Variants in FAM163A observed in about 807,000 individuals in gnomAD.
The protein encoded by FAM163A is protein FAM163A.
A neutral mutation model predicts 12.0 loss-of-function variants in FAM163A; 7 were observed. The ratio of observed to expected loss-of-function variants is 0.58; its 90% CI spans 0.33 to 1.10. The LOEUF is 1.10. Ranked by LOEUF, FAM163A falls within the 50% of genes least tolerant of loss-of-function variation. The probability of loss-of-function intolerance (pLI) is 0.03; values close to 1 mark genes in which losing one functional copy is unlikely to be tolerated. For missense variants in FAM163A, 202 were observed against 218.6 expected (o/e 0.92, Z 0.48); for synonymous variants, 101 against 91.0 (o/e 1.11, Z -0.62).
intron 1 of FAM163A, among the ~76,000 whole-genome samples, chr1:179,786,910 C>T (rs1353513278): frequency 1.3e-5 from 2 of 152,168 alleles, no homozygotes; most frequent in Non-Finnish European, 2.9e-5. Context: ...AATGAGCTGG[C>T]TGACAAAGCA....
At chr1:179,805,333 C>T (rs1693780602) in intron 1 of FAM163A, among the ~76,000 whole-genome samples, 1 of 152,112 alleles carries the variant, frequency 6.6e-6, no homozygotes, top group Non-Finnish European at 1.5e-5. Flanking sequence ...GCCTGGACAA[C>T]ATGGTGAAAC....
intron 1 of FAM163A, among the ~76,000 whole-genome samples, chr1:179,801,128 A>T (rs1391313820): frequency 6.6e-6 from 1 of 152,136 alleles, no homozygotes; most frequent in African/African-American, 2.4e-5. Context: ...GCACATCTGG[A>T]TGTATATTGG....
chr1:179,795,573 T>G (rs957267864), intron 1 of FAM163A, among the ~76,000 whole-genome samples: 1 of 152,232 alleles, frequency 6.6e-6, no homozygotes, highest in Admixed American at 6.5e-5. Context: ...GCCATGCTCT[T>G]GGACTCCCCC....
At chr1:179,734,698 C>T in the FAM163A span, among the ~76,000 whole-genome samples, 2 of 152,174 alleles carry the variant, frequency 1.3e-5, no homozygotes, top group Non-Finnish European at 2.9e-5. Context: ...AATACCATCA[C>T]CTTGGGGGTT....
chr1:179,735,720 A>G, the FAM163A span, among the ~76,000 whole-genome samples: 8 of 151,780 alleles, frequency 5.3e-5, no homozygotes, highest in South Asian at 8.3e-4. Context: ...AGCCAGGATG[A>G]TCTCCATCTC....
upstream of FAM163A, among the ~76,000 whole-genome samples, chr1:179,741,664 G>A (rs1180910927): frequency 1.3e-5 from 2 of 152,172 alleles, no homozygotes; most frequent in Non-Finnish European, 2.9e-5. Flanking sequence ...GGAAGAAGAG[G>A]CCAGGCACAC....
chr1:179,798,994 C>T (rs1269558954), intron 1 of FAM163A, among the ~76,000 whole-genome samples: 1 of 152,180 alleles, frequency 6.6e-6, no homozygotes, highest in Non-Finnish European at 1.5e-5. Flanking sequence ...CCCTCTGGCC[C>T]TCTTGTCAGC....
At chr1:179,777,232 A>G (rs1689106117) in intron 1 of FAM163A, among the ~76,000 whole-genome samples, 1 of 152,200 alleles carries the variant, frequency 6.6e-6, no homozygotes, top group Admixed American at 6.5e-5. Flanking sequence ...AAGAATGGTA[A>G]TCTTCTTAAA....
intron 3 of FAM163A, among the ~76,000 whole-genome samples, chr1:179,812,443 C>T (rs1321923235): frequency 3.3e-5 from 5 of 152,156 alleles, no homozygotes; most frequent in Admixed American, 6.5e-5. Context: ...GAGAGATACC[C>T]CCAAAAGAAG....
Position 179,814,388 on chromosome 1 carries a change from G to T in FAM163A, c.*199G>T. 1.4e-6 allele frequency: 1 copy of T among 692,984 alleles called. No individual in the cohort carries two copies. Among genetic ancestry groups the T allele is most frequent in the Non-Finnish European group, 2.3e-6 (1 of 438,754 alleles). 42.9% of individuals were successfully genotyped at this position (692,984 alleles called of 1,614,324 possible). Reference sequence around the variant, plus strand: ...GACAGGGCCTGGCTCCAACTCTGTGGGCCAGAGGTGGGGGACTGCTAGGTC... The same window carrying T: ...GACAGGGCCTGGCTCCAACTCTGTGTGCCAGAGGTGGGGGACTGCTAGGTC... On this transcript the variant is annotated 3_prime_UTR_variant, in exon 5 of 5. Transcript: ENST00000341785.
intron 1 of FAM163A, among the ~76,000 whole-genome samples, chr1:179,746,435 G>A (rs970249191): frequency 5.3e-5 from 8 of 152,180 alleles, no homozygotes; most frequent in Non-Finnish European, 1.2e-4. Flanking sequence ...GAATTAGTAA[G>A]TTTACTATAT....
intron 1 of FAM163A, among the ~76,000 whole-genome samples, chr1:179,758,966 C>T (rs1686420442): frequency 6.6e-6 from 1 of 152,252 alleles, no homozygotes; most frequent in South Asian, 2.1e-4. Flanking sequence ...ACCCCTGCAT[C>T]CATGCATCGA....
At chr1:179,787,357 C>G (rs1292864537) in intron 1 of FAM163A, among the ~76,000 whole-genome samples, 2 of 152,216 alleles carry the variant, frequency 1.3e-5, no homozygotes, top group African/African-American at 4.8e-5. Context: ...GCAATGTGTT[C>G]ATTCAGCTGG....
At chr1:179,736,780 A>G in the FAM163A span, among the ~76,000 whole-genome samples, 1 of 152,130 alleles carries the variant, frequency 6.6e-6, no homozygotes, top group Non-Finnish European at 1.5e-5. Context: ...ACTGCACTCT[A>G]GCCTGGGTGA....
chr1:179,768,306 A>G (rs576703286), intron 1 of FAM163A, among the ~76,000 whole-genome samples: 43 of 152,282 alleles, frequency 2.8e-4, no homozygotes, highest in African/African-American at 9.6e-4. Flanking sequence ...ACCCACATAA[A>G]CAAAGACCAC....
chr1:179,761,497 A>G (rs572154137), intron 1 of FAM163A, among the ~76,000 whole-genome samples: 1 of 152,328 alleles, frequency 6.6e-6, no homozygotes, highest in African/African-American at 2.4e-5. Flanking sequence ...AGGAAAGCAT[A>G]AAGTCTTGTT....
intron 1 of FAM163A, among the ~76,000 whole-genome samples, chr1:179,781,661 C>T (rs775231752): frequency 4.6e-5 from 7 of 152,076 alleles, no homozygotes; most frequent in Non-Finnish European, 8.8e-5. Flanking sequence ...CTTGGCCAGG[C>T]GCGGTGGCTC....
chr1:179,807,357 G>A (rs947766114), intron 1 of FAM163A, among the ~76,000 whole-genome samples: 2 of 152,118 alleles, frequency 1.3e-5, no homozygotes, highest in South Asian at 2.1e-4. Flanking sequence ...AAATAGGCCC[G>A]GGAAACCGTG....
intron 1 of FAM163A, among the ~76,000 whole-genome samples, chr1:179,772,459 C>G (rs1688408905): frequency 6.6e-6 from 1 of 152,216 alleles, no homozygotes; most frequent in Non-Finnish European, 1.5e-5. Context: ...CCAGCAGCAT[C>G]AGCATCACTG....
Sources: allele counts gnomAD v4.1 joint callset (sites outside exome capture counted in the v4.1 genomes callset), GRCh38; gene constraint gnomAD v4.1.1; transcripts MANE v1.5; gene names NCBI Gene and HGNC (gene_info 2026-07-23, HGNC 2026-07-21).